EMSY: variants seen among roughly 807,000 people sequenced by gnomAD.
EMSY encodes EMSY transcriptional repressor, BRCA2 interacting, also known as BRCA2-interacting transcriptional repressor EMSY.
EMSY carries 26 observed loss-of-function variants against 134.6 expected under a neutral mutation model. The observed-to-expected ratio is 0.19, with a 90% CI of 0.14 to 0.27. The LOEUF (loss-of-function observed/expected upper bound fraction) is 0.27, where lower values mean the gene tolerates loss of function less well. Among genes scored for constraint, EMSY ranks in the 10% least tolerant of loss-of-function variants. The probability of loss-of-function intolerance (pLI) is 1.00; values close to 1 mark genes in which losing one functional copy is unlikely to be tolerated. For synonymous variants in EMSY, 579 were observed against 577.8 expected, an observed-to-expected ratio of 1.00 and a Z score of -0.03; for missense variants, 1,305 against 1,611.4, an observed-to-expected ratio of 0.81 and a Z score of 3.26.
chr11:76,532,551 C>T (rs1321967689), intron 14 of EMSY, among the ~76,000 whole-genome samples: 1 of 151,944 alleles, frequency 6.6e-6, no homozygotes, highest in African/African-American at 2.4e-5. Context: ...GGGCTTTTTC[C>T]CCTTTCTCAT....
intron 7 of EMSY, among the ~76,000 whole-genome samples, chr11:76,466,630 A>G (rs1948363540): frequency 1.3e-5 from 2 of 152,186 alleles, no homozygotes; most frequent in Admixed American, 1.3e-4. Context: ...AGTTTCTTGC[A>G]AAGATGTCAC....
intron 4 of EMSY, among the ~76,000 whole-genome samples, chr11:76,457,561 T>A (rs1429681108): frequency 6.6e-6 from 1 of 152,192 alleles, no homozygotes; most frequent in East Asian, 1.9e-4. Context: ...TTTCTTCTAG[T>A]GTCGTTAGAT....
At chr11:76,494,748 C>T (rs1282534795) in intron 8 of EMSY, among the ~76,000 whole-genome samples, 2 of 141,206 alleles carry the variant, frequency 1.4e-5, no homozygotes, top group Non-Finnish European at 3.0e-5. Context: ...TCCTTCCTTC[C>T]TTTCCTTCCT....
intron 7 of EMSY, among the ~76,000 whole-genome samples, chr11:76,470,222 T>C (rs1322654007): frequency 1.3e-5 from 2 of 152,188 alleles, no homozygotes; most frequent in East Asian, 3.8e-4. Context: ...TTCCCTTAAA[T>C]TCTTTAGATT....
chr11:76,486,773 GA>G (rs1949200963), intron 8 of EMSY, among the ~76,000 whole-genome samples: 1 of 152,184 alleles, frequency 6.6e-6, no homozygotes. Flanking sequence ...GACTGATAGT[GA>G]AATAGCCAAA....
intron 8 of EMSY, among the ~76,000 whole-genome samples, chr11:76,486,243 G>T (rs755431656): frequency 6.6e-6 from 1 of 152,050 alleles, no homozygotes. Flanking sequence ...ACACGCTGGG[G>T]CCTGTTGGCG....
intron 8 of EMSY, among the ~76,000 whole-genome samples, chr11:76,476,598 G>A (rs764241473): frequency 3.5e-4 from 54 of 152,152 alleles, no homozygotes; most frequent in Non-Finnish European, 7.1e-4. Context: ...ATATATTGCA[G>A]ATCTTCCTTC....
intron 7 of EMSY, among the ~76,000 whole-genome samples, chr11:76,472,272 G>A (rs929811673): frequency 3.3e-5 from 5 of 152,172 alleles, no homozygotes; most frequent in African/African-American, 9.7e-5. Flanking sequence ...TCTAGAAAGA[G>A]TGTGCCAATT....
chr11:76,526,853 C>G lies in EMSY; in HGVS notation c.1995+218C>G, dbSNP rs180761136. 2.4e-4 allele frequency among the ~76,000 whole-genome samples: 36 copies of G among 152,112 alleles called. No individual in the cohort carries two copies. The East Asian group carries it at 6.6e-3, about 28-fold the overall frequency. On this transcript the variant is annotated intron_variant, in intron 13 of 20. Coordinates refer to ENST00000334736, the Ensembl canonical transcript of EMSY. Reference sequence around the variant, plus strand: ...CTAAATGTGTATGTTGTGCTATCAGCAAAGATTATGGGGAAATAATTACCT... The same window carrying G: ...CTAAATGTGTATGTTGTGCTATCAGGAAAGATTATGGGGAAATAATTACCT...
At chr11:76,473,968 A>C (rs1223924124) in intron 8 of EMSY, among the ~76,000 whole-genome samples, 1 of 152,042 alleles carries the variant, frequency 6.6e-6, no homozygotes, top group Non-Finnish European at 1.5e-5. Context: ...GCTGTACTAA[A>C]AAAATACAAA....
chr11:76,453,368 G>T (rs1248517312), exon 4 of EMSY: 1 of 1,612,836 alleles, frequency 6.2e-7, no homozygotes. Flanking sequence ...ACGATGAACG[G>T]TTAACAACAA....
intron 14 of EMSY, among the ~76,000 whole-genome samples, chr11:76,533,790 G>C (rs1207338656): frequency 6.6e-6 from 1 of 152,140 alleles, no homozygotes; most frequent in Non-Finnish European, 1.5e-5. Context: ...AGAGATGCAG[G>C]AAGTCTAGAT....
chr11:76,520,654 C>G (rs931785596), intron 11 of EMSY, among the ~76,000 whole-genome samples: 3 of 152,060 alleles, frequency 2.0e-5, no homozygotes, highest in South Asian at 2.1e-4. Flanking sequence ...AGCATGTTAC[C>G]TTGGACTAAT....
chr11:76,519,663 C>T (rs1214947505), intron 11 of EMSY, among the ~76,000 whole-genome samples: 3 of 152,166 alleles, frequency 2.0e-5, no homozygotes, highest in African/African-American at 7.2e-5. Context: ...CCAAGATTGT[C>T]AGGTGATTTT....
exon 21 of EMSY, chr11:76,551,004 G>T (rs987782194): frequency 2.6e-5 from 4 of 152,760 alleles, no homozygotes; most frequent in African/African-American, 4.8e-5. Flanking sequence ...GTTTGGTCAT[G>T]TTAAGAAAAC....
chr11:76,461,018 G>C (rs1026965442), intron 6 of EMSY: 1 of 152,160 alleles, frequency 6.6e-6, no homozygotes, highest in Non-Finnish European at 1.5e-5. Context: ...AAAGAAAAGT[G>C]GTTAATTTGG....
At position 76,511,154 on chromosome 11, in the gene EMSY, A is replaced by T. The variant is rs542600010; in HGVS notation, c.1364-2232A>T. Among the ~76,000 whole-genome samples the T allele has an allele frequency of 5.8e-4, 88 of 152,282 alleles. 1 individual carries two copies. Among genetic ancestry groups the T allele is most frequent in the African/African-American group, 2.0e-3 (85 of 41,554 alleles). On this transcript the variant is annotated intron_variant, in intron 9 of 20. Coordinates refer to ENST00000334736, the Ensembl canonical transcript of EMSY. ...AAGAGACTGTAGAATTCTCCAATGC[A>T]ACTATCTGAGCCTGCTACTTTTTGG...
intron 4 of EMSY, among the ~76,000 whole-genome samples, chr11:76,455,712 G>A (rs936576258): frequency 2.0e-5 from 3 of 152,134 alleles, no homozygotes; most frequent in African/African-American, 4.8e-5. Flanking sequence ...AACATAACAC[G>A]TGTTTATTGT....
intron 8 of EMSY, among the ~76,000 whole-genome samples, chr11:76,475,390 T>A (rs1948735414): frequency 6.6e-6 from 1 of 152,252 alleles, no homozygotes. Flanking sequence ...TCCAAGCTTC[T>A]AATTTTCATT....
Sources: gnomAD v4.1 joint callset for allele counts (sites outside exome capture counted in the v4.1 genomes callset) on GRCh38, gnomAD v4.1.1 for gene constraint, MANE v1.5 for transcripts, NCBI Gene and HGNC (gene_info 2026-07-23, HGNC 2026-07-21) for gene names.